Variants in ZFYVE1 observed in about 807,000 individuals in gnomAD.
The protein encoded by ZFYVE1 is zinc finger FYVE domain-containing protein 1.
In ZFYVE1, 30 loss-of-function variants were observed where a neutral mutation model predicts 74.4. That is an observed-to-expected ratio of 0.40 (90% confidence interval 0.30 to 0.55). The LOEUF is 0.55. Among genes scored for constraint, ZFYVE1 ranks in the 20% least tolerant of loss-of-function variants. ZFYVE1 has a pLI of 0.42. For synonymous variants in ZFYVE1, 335 were observed against 385.1 expected (o/e 0.87, Z 1.52); for missense variants, 703 against 1,011.6 (o/e 0.69, Z 4.14).
At chr14:72,997,698 T>C in intron 3 of ZFYVE1, 113 bp downstream of exon 3, 1 of 1,378,600 alleles carries the variant, frequency 7.3e-7, no homozygotes, top group East Asian at 2.3e-5. Flanking sequence ...ATGTCTTCTT[T>C]GGACAGAAAT....
chr14:73,015,679 C>T (rs1408203302), intron 2 of ZFYVE1, among the ~76,000 whole-genome samples: 1 of 152,162 alleles, frequency 6.6e-6, no homozygotes, highest in African/African-American at 2.4e-5. Context: ...CCACCACGCC[C>T]GGCCTGCTAT....
At chr14:73,016,993 G>A (rs775161330) in intron 2 of ZFYVE1, among the ~76,000 whole-genome samples, 3 of 152,014 alleles carry the variant, frequency 2.0e-5, no homozygotes, top group African/African-American at 7.2e-5. Context: ...TACTTGAGGA[G>A]CAAACAGAAC....
In ZFYVE1 at chr14:72,975,528, A is replaced by AT; in HGVS notation, c.1806+22_1806+23insA. The AT allele has an allele frequency of 6.3e-7, 1 of 1,599,490 alleles. No homozygotes were observed. The highest frequency in any genetic ancestry group is 8.5e-7 in the Non-Finnish European group (1 of 1,172,362). On this transcript the variant is annotated intron_variant, in intron 9 of 11. Transcript: ENST00000556143. This position sits in a 1 kb window ranked among gnomAD's most constrained non-coding sequence, Gnocchi z 4.1. ...GTAGGATGGGCTGTGCCAGGAGTGG[A>AT]GGGGCATCCTGGCACACCATACCAG...
chr14:72,973,093 G>A (rs1314112431), intron 11 of ZFYVE1, among the ~76,000 whole-genome samples: 2 of 152,154 alleles, frequency 1.3e-5, no homozygotes, highest in Non-Finnish European at 2.9e-5. Flanking sequence ...TTCCATCTTT[G>A]ACACTCCTGC....
intron 5 of ZFYVE1, among the ~76,000 whole-genome samples, 158 bp downstream of exon 5, chr14:72,981,631 G>A (rs1357118965): frequency 6.6e-6 from 1 of 152,108 alleles, no homozygotes; most frequent in Non-Finnish European, 1.5e-5. Flanking sequence ...AGGATCTTGT[G>A]GGAACATGGG....
rs377255370 is a variant in ZFYVE1 at position 72,993,111 on chromosome 14, A to G, written c.1203+32T>C. 5.3e-5 allele frequency: 82 copies of G among 1,543,792 alleles called. 1 individual carries two copies. The highest frequency in any genetic ancestry group is 4.6e-4 in the Middle Eastern group (2 of 4,310). On this transcript the variant is annotated intron_variant, in intron 4 of 11. Transcript: ENST00000556143. ...GTTCTCACCACCCACTGGCACCCCA[A>G]TGAGAAGCCCTTGGGGCACAAGCCA... is the stretch of plus-strand genomic sequence containing the variant.
chr14:72,995,339 C>T (rs1187060945), intron 3 of ZFYVE1, among the ~76,000 whole-genome samples: 11 of 152,130 alleles, frequency 7.2e-5, no homozygotes, highest in Admixed American at 7.2e-4. Context: ...TCAAGTGATC[C>T]GCCCACCTTG....
intron 2 of ZFYVE1, among the ~76,000 whole-genome samples, chr14:73,021,536 A>G (rs1750321386): frequency 6.6e-6 from 1 of 152,238 alleles, no homozygotes; most frequent in African/African-American, 2.4e-5. Flanking sequence ...ATTTATGTCA[A>G]TCATCTAATT....
rs764778054 is a variant in ZFYVE1 at position 72,974,879 on chromosome 14, G to A, written c.1887C>T (p.Asp629=). The change falls in exon 10 of 12, where the codon GAC becomes GAT. Residue 629 remains aspartate (D), a synonymous_variant. Coordinates refer to ENST00000556143, the MANE Select transcript of ZFYVE1 (RefSeq NM_021260.4). ...CTGGCCGAGTCTTTGATGAACAGCT[G>A]TCACAGAAGCCCTCCCCACAGGCTC... ...HCRACGEGFC[D]SCSSKTRPVP... 1.2e-6 allele frequency: 2 copies of A among 1,614,168 alleles called. No homozygotes were observed. The highest frequency in any genetic ancestry group is 3.3e-5 in the Admixed American group (2 of 60,024).
intron 3 of ZFYVE1, among the ~76,000 whole-genome samples, chr14:72,996,505 T>C (rs1171052303): frequency 6.6e-6 from 1 of 152,150 alleles, no homozygotes; most frequent in African/African-American, 2.4e-5. Context: ...GGGATCCTCC[T>C]GCCTTGGCCT....
chr14:72,981,144 T>C (rs1307564588), intron 5 of ZFYVE1, among the ~76,000 whole-genome samples: 1 of 152,316 alleles, frequency 6.6e-6, no homozygotes, highest in South Asian at 2.1e-4. Flanking sequence ...AATTGAAGTT[T>C]CGGAAGCACT....
Position 73,024,159 on chromosome 14 carries a change from G to A in ZFYVE1, c.350C>T (p.Pro117Leu). 1 of 1,614,122 alleles carries A rather than the reference G, an allele frequency of 6.2e-7. No individual in the cohort carries two copies. The highest frequency in any genetic ancestry group is 8.5e-7 in the Non-Finnish European group (1 of 1,180,036). ...ATTACTGACATTGTACACAGTAACA[G>A]GGTGTCTCCTTTTGTTACCCCCAGA... is the stretch of plus-strand genomic sequence containing the variant. Reference protein sequence around the residue: ...THSGGNKRRHPVTVYNVSNLQ... With the variant: ...THSGGNKRRHLVTVYNVSNLQ... The change falls in exon 2 of 12, where the codon CCT (proline) becomes CTT (leucine). Residue 117 changes from proline to leucine, a missense_variant. Transcript: ENST00000556143.
chr14:72,993,999 G>C (rs557088200), intron 3 of ZFYVE1, among the ~76,000 whole-genome samples: 2 of 124,412 alleles, frequency 1.6e-5, no homozygotes. Context: ...TGGCGACAGA[G>C]AGAGATTCCG....
Position 73,027,007 on chromosome 14 carries a change from CG to C in ZFYVE1, c.-517del. The stretch of plus-strand genomic sequence containing the variant: ...GGGCAGAGGCTATTCCTCAGGACAC[CG>C]GCAGATCCATCCTCATCTCCATCTC... On this transcript the variant is annotated 5_prime_UTR_variant, in exon 1 of 12. The change abolishes the stop of an existing upstream ORF in the 5' untranslated region. Coordinates refer to ENST00000556143, the MANE Select transcript of ZFYVE1 (RefSeq NM_021260.4). The C allele has an allele frequency of 2.5e-6, 1 of 398,952 alleles. No individual in the cohort carries two copies. 24.7% of individuals were successfully genotyped at this position (398,952 alleles called of 1,614,324 possible). A position where few individuals can be genotyped will look rare whatever the true frequency, so the allele number is the denominator to read the frequency against.
At chr14:73,006,399 A>T (rs934745977) in intron 2 of ZFYVE1, among the ~76,000 whole-genome samples, 8 of 150,826 alleles carry the variant, frequency 5.3e-5, no homozygotes, top group African/African-American at 2.0e-4. Context: ...ACGTGGTGAA[A>T]CCCCATCTCC....
At chr14:72,977,866 T>C in intron 8 of ZFYVE1, 61 bp downstream of exon 8, 1 of 1,546,684 alleles carries the variant, frequency 6.5e-7, no homozygotes, top group Non-Finnish European at 8.9e-7. Context: ...CAGTTTTCTA[T>C]ACACATGAAA....
intron 2 of ZFYVE1, among the ~76,000 whole-genome samples, chr14:73,022,644 C>T (rs1458215752): frequency 6.6e-6 from 1 of 152,154 alleles, no homozygotes; most frequent in Non-Finnish European, 1.5e-5. Flanking sequence ...GATTGGTAAA[C>T]AAGTATGTGA....
intron 4 of ZFYVE1, among the ~76,000 whole-genome samples, chr14:72,984,680 C>G (rs1293574458): frequency 1.3e-5 from 2 of 152,172 alleles, no homozygotes; most frequent in African/African-American, 4.8e-5. Flanking sequence ...CTGCTTCTAC[C>G]TGAGACCCAT....
At chr14:73,017,853 T>C (rs923967617) in intron 2 of ZFYVE1, among the ~76,000 whole-genome samples, 7 of 152,198 alleles carry the variant, frequency 4.6e-5, no homozygotes, top group Non-Finnish European at 4.4e-5. Context: ...CAGGTCACTA[T>C]AGCTTCTATC....
Sources: allele counts gnomAD v4.1 joint callset (sites outside exome capture counted in the v4.1 genomes callset), GRCh38; gene constraint gnomAD v4.1.1; non-coding constraint Gnocchi (gnomAD v3.1); transcripts MANE v1.5; gene names NCBI Gene and HGNC (gene_info 2026-07-23, HGNC 2026-07-21).